POLR3E: variants seen among roughly 807,000 people sequenced by gnomAD.
The protein encoded by POLR3E is RNA polymerase III subunit E, also known as DNA-directed RNA polymerase III subunit RPC5.
POLR3E carries 41 observed loss-of-function variants against 96.6 expected under a neutral mutation model. The ratio of observed to expected loss-of-function variants is 0.42; its 90% CI spans 0.33 to 0.55. POLR3E has a LOEUF of 0.55. POLR3E is among the 20% of genes least tolerant of loss of function. The probability of loss-of-function intolerance (pLI) is 0.06; values close to 1 mark genes in which losing one functional copy is unlikely to be tolerated. For synonymous variants in POLR3E, 396 were observed against 383.6 expected, an observed-to-expected ratio of 1.03 and a Z score of -0.38; for missense variants, 849 against 952.1, an observed-to-expected ratio of 0.89 and a Z score of 1.43.
rs1228006433 is a variant in POLR3E at position 22,328,529 on chromosome 16, C to T, written c.1886C>T (p.Ala629Val). The T allele has an allele frequency of 6.2e-7, 1 of 1,614,044 alleles. No homozygotes were observed. Among genetic ancestry groups the T allele is most frequent in the Non-Finnish European group, 8.5e-7 (1 of 1,179,910 alleles). Residue 629 changes from alanine to valine, a missense_variant, in exon 19 of 21, where the codon GCT becomes GTT. Ala to Val is a moderately conservative substitution (Grantham distance 64, BLOSUM62 0). Transcript: ENST00000299853. ...GGTCAGTTTCCCCCCCAGACTGCTG[C>T]TTCCCCGGATGAGCAGAAGGTGTTT... is the stretch of plus-strand genomic sequence containing the variant. Reference protein sequence around the residue: ...ILVPFPPQTAASPDEQKVFAL... With the variant: ...ILVPFPPQTAVSPDEQKVFAL...
intron 4 of POLR3E, 24 bp from the exon 5 acceptor site, chr16:22,308,901 G>C: frequency 1.3e-6 from 2 of 1,530,438 alleles, no homozygotes; most frequent in Admixed American, 3.3e-5. Flanking sequence ...CCTCATAGCT[G>C]GTGGGGGTGC....
At chr16:22,302,326 G>C (rs1278204016) in intron 1 of POLR3E, 1 of 152,286 alleles carries the variant, frequency 6.6e-6, no homozygotes, top group Non-Finnish European at 1.5e-5. Context: ...GTATCTCTGA[G>C]TTCCAGTCTG....
At position 22,319,539 on chromosome 16, in the gene POLR3E, C is replaced by T. The variant is rs368252892; in HGVS notation, c.986+593C>T. Among the ~76,000 whole-genome samples the T allele has an allele frequency of 2.2e-4, 33 of 151,096 alleles. 1 individual carries two copies. In the East Asian group the frequency reaches 5.0e-3, roughly 23 times the overall value. Reference sequence around the variant, plus strand: ...TCAGCCTCCCGAGTAGCTGGGACTACAAGGCACCCGCCACCACGCCCAGCT... The same window carrying T: ...TCAGCCTCCCGAGTAGCTGGGACTATAAGGCACCCGCCACCACGCCCAGCT... On this transcript the variant is annotated intron_variant, in intron 13 of 20. Transcript: ENST00000299853.
chr16:22,303,256 C>T (rs1049720152), intron 2 of POLR3E, among the ~76,000 whole-genome samples: 4 of 152,126 alleles, frequency 2.6e-5, no homozygotes, highest in African/African-American at 9.7e-5. Flanking sequence ...CCCAGCTCCC[C>T]TCCTGCACCC....
chr16:22,325,734 T>A, intron 17 of POLR3E, 27 bp from the exon 18 acceptor site: 1 of 1,527,982 alleles, frequency 6.5e-7, no homozygotes, highest in East Asian at 2.3e-5. Context: ...TGTGCCCTCC[T>A]GAGCAGTGCT....
Position 22,333,782 on chromosome 16 carries a change from AGAC to A in POLR3E, c.*86_*88del, listed in dbSNP as rs2048793509. 2.2e-6 allele frequency: 2 copies of A among 913,384 alleles called. No individual in the cohort carries two copies. The highest frequency in any genetic ancestry group is 1.8e-6 in the Non-Finnish European group (1 of 544,032). The allele number at this position is 913,384 out of a possible 1,614,324, so 56.6% of individuals were successfully genotyped here. On this transcript the variant is annotated 3_prime_UTR_variant, in exon 21 of 21. Transcript: ENST00000299853. ...CAGAAGTAGGGCCTCGACTTGCTTC[AGAC>A]GACACAGAGCAAGAGGAACTGACCA...
chr16:22,330,791 G>GTC (rs35443079), intron 19 of POLR3E, among the ~76,000 whole-genome samples: 5,664 of 152,060 alleles, frequency 0.037, 223 homozygotes, highest in East Asian at 0.11. Context: ...TCATGTAGCA[G>GTC]TCAGCTGTTT....
chr16:22,303,116 C>A, intron 2 of POLR3E, 112 bp downstream of exon 2: 1 of 989,632 alleles, frequency 1.0e-6, no homozygotes, highest in Non-Finnish European at 1.6e-6. Flanking sequence ...GACCCCTAAC[C>A]CTTGCTGTTC....
At chr16:22,323,705 G>A (rs2048517155) in intron 14 of POLR3E, among the ~76,000 whole-genome samples, 1 of 152,114 alleles carries the variant, frequency 6.6e-6, no homozygotes, top group South Asian at 2.1e-4. Flanking sequence ...CCACTCCCAG[G>A]CTTGCCTCCC....
intron 1 of POLR3E, among the ~76,000 whole-genome samples, chr16:22,300,719 A>C (rs1041061143): frequency 6.6e-5 from 10 of 152,134 alleles, no homozygotes; most frequent in Admixed American, 3.9e-4. Context: ...TTTTCATTCC[A>C]TCCTCCATCT....
chr16:22,307,475 G>T (rs2141743423), intron 3 of POLR3E, among the ~76,000 whole-genome samples: 1 of 152,330 alleles, frequency 6.6e-6, no homozygotes, highest in African/African-American at 2.4e-5. Flanking sequence ...GAGGGGTCCA[G>T]ACTTTGACTC....
chr16:22,322,889 C>T lies in POLR3E; in HGVS notation c.1026C>T (p.Ser342=), dbSNP rs201596247. Residue 342 remains serine (S), a synonymous_variant, in exon 14 of 21, where the codon AGC becomes AGT. Coordinates refer to ENST00000299853, the MANE Select transcript of POLR3E (RefSeq NM_018119.4). The surrounding 1 kb of genome is among the most constrained non-coding windows in gnomAD (Gnocchi z 5.2). ...LYPKDSSSPH[S]GVPAEVLCRG... Reference sequence around the variant, plus strand: ...CCAAGGACTCGTCCAGCCCTCACAGCGGCGTGCCTGCTGAGGTGCTCTGCA... The same window carrying T: ...CCAAGGACTCGTCCAGCCCTCACAGTGGCGTGCCTGCTGAGGTGCTCTGCA... 7.4e-6 allele frequency: 12 copies of T among 1,613,240 alleles called. No individual in the cohort carries two copies. The highest frequency in any genetic ancestry group is 5.3e-5 in the African/African-American group (4 of 74,866).
chr16:22,332,488 T>G (rs927692060), intron 20 of POLR3E, among the ~76,000 whole-genome samples: 5 of 152,222 alleles, frequency 3.3e-5, no homozygotes, highest in Admixed American at 2.6e-4. Flanking sequence ...GCCCCTTTCA[T>G]CCCTCTTCTC....
In POLR3E at chr16:22,330,988, C is replaced by CTTTTTTTTTTTTTTTTTTTTTT. The variant is rs56100056; in HGVS notation, c.1945-1059_1945-1038dup. 7.9e-5 allele frequency among the ~76,000 whole-genome samples: 4 copies of CTTTTTTTTTTTTTTTTTTTTTT among 50,732 alleles called. 2 individuals are homozygous for CTTTTTTTTTTTTTTTTTTTTTT. Among genetic ancestry groups the CTTTTTTTTTTTTTTTTTTTTTT allele is most frequent in the Non-Finnish European group, 1.5e-4 (4 of 25,912 alleles). 33.3% of individuals were successfully genotyped at this position (50,732 alleles called of 152,430 possible). A position where few individuals can be genotyped will look rare whatever the true frequency, so the allele number is the denominator to read the frequency against. ...GACAAATAGTGATACATGAAGCATC[C>CTTTTTTTTTTTTTTTTTTTTTT]TTTTTTTTTTTTTTTTTTTTTTTTT... On this transcript the variant is annotated intron_variant, in intron 19 of 20. Coordinates refer to ENST00000299853, the MANE Select transcript of POLR3E (RefSeq NM_018119.4).
intron 2 of POLR3E, among the ~76,000 whole-genome samples, chr16:22,304,875 C>T (rs565577410): frequency 1.3e-5 from 2 of 152,192 alleles, no homozygotes; most frequent in African/African-American, 4.8e-5. Context: ...CAGTGCAGCC[C>T]CAGGGAAGAT....
In POLR3E at chr16:22,334,564, G is replaced by A. The variant is rs1178767342; in HGVS notation, c.*864G>A. On this transcript the variant is annotated 3_prime_UTR_variant, in exon 21 of 21. Transcript: ENST00000299853. ...GAGCAGCACTGTCCACTAGAAAGAG[G>A]CGAGTCACGTACATAATTTTGAAAG... is the stretch of plus-strand genomic sequence containing the variant. 2 of 152,188 alleles carry A rather than the reference G, an allele frequency of 1.3e-5. No homozygotes were observed. Among genetic ancestry groups the A allele is most frequent in the African/African-American group, 4.8e-5 (2 of 41,432 alleles). 9.4% of individuals were successfully genotyped at this position (152,188 alleles called of 1,614,324 possible).
At chr16:22,316,714 C>G (rs1487623827) in intron 10 of POLR3E, 28 bp downstream of exon 10, 1 of 1,565,288 alleles carries the variant, frequency 6.4e-7, no homozygotes, top group Non-Finnish European at 8.8e-7. Context: ...AGCATGCAAA[C>G]TGGATGCCTG....
In POLR3E at chr16:22,318,707, C is replaced by T; in HGVS notation, c.866-119C>T. The T allele has an allele frequency of 1.9e-6, 2 of 1,051,338 alleles. No homozygotes were observed. The highest frequency in any genetic ancestry group is 2.8e-6 in the Non-Finnish European group (2 of 715,342). 65.1% of individuals were successfully genotyped at this position (1,051,338 alleles called of 1,614,324 possible). On this transcript the variant is annotated intron_variant, in intron 12 of 20. Transcript: ENST00000299853. This position sits in a 1 kb window ranked among gnomAD's most constrained non-coding sequence, Gnocchi z 5.0. ...CTGTTGGCTATGATGGGTGTCATTA[C>T]TGTTAGTTATCACATTCTGGGGTTA...
intron 1 of POLR3E, among the ~76,000 whole-genome samples, chr16:22,302,116 T>C (rs2048035839): frequency 6.6e-6 from 1 of 151,894 alleles, no homozygotes; most frequent in Non-Finnish European, 1.5e-5. Context: ...TCCTGGAATT[T>C]CTCCTCCCCT....
Sources: allele counts gnomAD v4.1 joint callset (sites outside exome capture counted in the v4.1 genomes callset), GRCh38; gene constraint gnomAD v4.1.1; non-coding constraint Gnocchi (gnomAD v3.1); transcripts MANE v1.5; gene names NCBI Gene and HGNC (gene_info 2026-07-23, HGNC 2026-07-21).